The following NSUN5 variants were observed in gnomAD, a reference collection of about 807,000 sequenced individuals.
NSUN5 encodes NOP2/Sun RNA methyltransferase 5.
NSUN5 carries 39 observed loss-of-function variants against 51.1 expected under a neutral mutation model. The observed-to-expected ratio is 0.76, with a 90% CI of 0.59 to 1.00. The LOEUF is 1.00. Among genes scored for constraint, NSUN5 ranks in the 50% least tolerant of loss-of-function variants. The pLI, the probability that NSUN5 is intolerant of heterozygous loss-of-function variation, is 0.00. For missense variants in NSUN5, 526 were observed against 614.0 expected (o/e 0.86, Z 1.51); for synonymous variants, 266 against 271.5 (o/e 0.98, Z 0.20).
chr7:73,306,505 A>C (rs1804046465), intron 4 of NSUN5, among the ~76,000 whole-genome samples: 1 of 151,736 alleles, frequency 6.6e-6, no homozygotes, highest in Admixed American at 6.6e-5. Context: ...CTGGAAGCAG[A>C]GAAACCAGTC....
Position 73,304,253 on chromosome 7 carries a change from A to T in NSUN5, c.911T>A (p.Leu304Gln). The change falls in exon 7 of 10, where the codon CTG (leucine) becomes CAG (glutamine). Residue 304 changes from leucine (L) to glutamine (Q), a missense_variant. By Grantham distance (113) the Leu-to-Gln change is moderately radical (BLOSUM62 -2). Coordinates refer to ENST00000438747, the MANE Select transcript of NSUN5 (RefSeq NM_148956.4). ...PRYHEVHYIL[L>Q]DPSCSGSGMP... ...ACCCGAGCCACTGCAGGAAGGATCC[A>T]GCAGGATGTAGTGGACCTCATGGTA... The T allele has an allele frequency of 6.2e-7, 1 of 1,613,354 alleles. No homozygotes were observed. The highest frequency in any genetic ancestry group is 8.5e-7 in the Non-Finnish European group (1 of 1,179,642).
At chr7:73,307,536 G>A in intron 3 of NSUN5, 34 bp from the exon 4 acceptor site, 2 of 1,613,610 alleles carry the variant, frequency 1.2e-6, no homozygotes, top group Non-Finnish European at 8.5e-7. Context: ...GAGTAGGCAG[G>A]AGCAAAGTTC....
rs1554541952 is a variant in NSUN5, at chr7:73,307,414, G to C, written c.480C>G (p.Ser160=). ...CTCACCTGGAAGCCCGACCCTGATAGGAGAAACCTTGTCTCTTGAAATAAT... is the reference window on the plus strand; with the variant it reads ...CTCACCTGGAAGCCCGACCCTGATACGAGAAACCTTGTCTCTTGAAATAAT... ...VVDYFKRQGF[S]YQGRASSLDD... The change falls in exon 4 of 10, where the codon TCC becomes TCG. Residue 160 remains serine (S), a synonymous_variant. Transcript: ENST00000438747. The C allele has an allele frequency of 3.1e-6, 5 of 1,614,034 alleles. No homozygotes were observed. In the South Asian group the frequency reaches 4.4e-5, roughly 14 times the overall value.
chr7:73,303,611 G>A lies in NSUN5; in HGVS notation c.1275C>T (p.Val425=), dbSNP rs782690161. ...CCCCACTCACTCACCTTGGCACCTC[G>A]ACCCGTTCAATTACAGCAACGAAGA... ...SGFFVAVIER[V]EVPSSASQAK... Residue 425 remains valine (V), a synonymous_variant, in exon 9 of 10, where the codon GTC becomes GTT. Coordinates refer to ENST00000438747, the MANE Select transcript of NSUN5 (RefSeq NM_148956.4). The A allele has an allele frequency of 6.2e-6, 10 of 1,614,020 alleles. No individual in the cohort carries two copies. The highest frequency in any genetic ancestry group is 5.3e-5 in the African/African-American group (4 of 74,914).
rs1382222967 is a variant in NSUN5, at chr7:73,304,310, T to A, written c.854A>T (p.Asp285Val). ...ATCCGAGGGGGAGACCGCCAGGAAGTCCTCCTCAGCCAGTTCACAGCAAGA... is the reference window on the plus strand; with the variant it reads ...ATCCGAGGGGGAGACCGCCAGGAAGACCTCCTCAGCCAGTTCACAGCAAGA... ...GVSCCELAEE[D>V]FLAVSPSDPR... Residue 285 changes from aspartate (D) to valine (V), a missense_variant, in exon 7 of 10, where the codon GAC becomes GTC. By Grantham distance (152) the Asp-to-Val change is radical. Coordinates refer to ENST00000438747, the MANE Select transcript of NSUN5 (RefSeq NM_148956.4). 6.2e-7 allele frequency: 1 copy of A among 1,613,892 alleles called. No individual in the cohort carries two copies. Among genetic ancestry groups the A allele is most frequent in the Non-Finnish European group, 8.5e-7 (1 of 1,180,012 alleles).
In NSUN5 at chr7:73,303,472, C is replaced by T. The variant is rs782018946; in HGVS notation, c.1344G>A (p.Lys448=). Residue 448 remains lysine (K), a synonymous_variant, in exon 10 of 10, where the codon AAG becomes AAA. Coordinates refer to ENST00000438747, the MANE Select transcript of NSUN5 (RefSeq NM_148956.4). The part of the protein sequence containing the change: ...APERTPSPAP[K]RKKRQQRAAA... ...CGGCTCTTTGCTGTCTCTTCTTTCT[C>T]TTTGGGGCTGGGCTGGGTGTGCGTT... 2.5e-5 allele frequency: 41 copies of T among 1,614,072 alleles called. No individual in the cohort carries two copies. Among genetic ancestry groups the T allele is most frequent in the Non-Finnish European group, 3.3e-5 (39 of 1,180,050 alleles).
At position 73,308,076 on chromosome 7, in the gene NSUN5, C is replaced by A. The variant is rs1313899244; in HGVS notation, c.217-319G>T. ...TAGAATGGGGTCTAGCTCTGTCGCC[C>A]AGGCTGAAGTGCAGTGGCCAGATCA... On this transcript the variant is annotated intron_variant, in intron 2 of 9. Coordinates refer to ENST00000438747, the MANE Select transcript of NSUN5 (RefSeq NM_148956.4). 17 of 452,430 alleles carry A rather than the reference C, an allele frequency of 3.8e-5. 1 individual carries two copies. Among genetic ancestry groups the A allele is most frequent in the African/African-American group, 1.8e-4 (9 of 50,678 alleles). The allele number at this position is 452,430 out of a possible 1,614,324, so 28.0% of individuals were successfully genotyped here.
At chr7:73,305,645 G>A (rs1320108270) in intron 4 of NSUN5, among the ~76,000 whole-genome samples, 2 of 151,932 alleles carry the variant, frequency 1.3e-5, no homozygotes, top group African/African-American at 4.8e-5. Context: ...GGAGGTGAGA[G>A]CTGAGCTCAT....
chr7:73,305,487 C>T (rs1372332684), intron 4 of NSUN5, among the ~76,000 whole-genome samples: 4 of 131,324 alleles, frequency 3.0e-5, no homozygotes, highest in African/African-American at 2.9e-5. Flanking sequence ...TTTTTTGAGA[C>T]GGAGTCTCGC....
In NSUN5 at chr7:73,307,707, GC is replaced by G. The variant is rs1554542119; in HGVS notation, c.266del (p.Gly89AlafsTer27). 6.3e-7 allele frequency: 1 copy of G among 1,598,832 alleles called. No homozygotes were observed. The highest frequency in any genetic ancestry group is 1.3e-5 in the African/African-American group (1 of 74,314). ...GCCGGCCCAACAGAGCCTTCCATCG[GC>G]CCCCACCCCCTCGAAAGCCCTTTCC... is the stretch of plus-strand genomic sequence containing the variant. ...LLGKGFRGGG[G>X]RWKALLGRHQ... On this transcript the variant is annotated frameshift_variant, in exon 3 of 10. Coordinates refer to ENST00000438747, the MANE Select transcript of NSUN5 (RefSeq NM_148956.4). LOFTEE classifies it high-confidence loss of function.
chr7:73,304,004 C>T lies in NSUN5; in HGVS notation c.967G>A (p.Ala323Thr), dbSNP rs1554541358. ...AGACGCACCGGGCTAGGTGTGCCTG[C>T]CCCGGGCTCCTCCAGCTGTCTGCTC... ...MPSRQLEEPGAGTPSPVRLHA... is the reference protein window; with the variant it reads ...MPSRQLEEPGTGTPSPVRLHA... The change falls in exon 8 of 10, where the codon GCA (alanine) becomes ACA (threonine). Residue 323 changes from alanine to threonine, a missense_variant. Physicochemically the swap from Ala to Thr is moderately conservative, Grantham distance 58. Transcript: ENST00000438747. 3 of 1,614,098 alleles carry T rather than the reference C, an allele frequency of 1.9e-6. No homozygotes were observed. Among genetic ancestry groups the T allele is most frequent in the Non-Finnish European group, 2.5e-6 (3 of 1,180,008 alleles).
In NSUN5 at chr7:73,304,348, G is replaced by C; in HGVS notation, c.816C>G (p.Ala272=). ...KRLASMATLL[A]RAGVSCCELA... ...GTTCACAGCAAGAGACGCCAGCCCGGGCCAGCAGCGTGGCCATGGATGCCA... is the reference window on the plus strand; with the variant it reads ...GTTCACAGCAAGAGACGCCAGCCCGCGCCAGCAGCGTGGCCATGGATGCCA... Residue 272 remains alanine, a synonymous_variant, in exon 7 of 10, where the codon GCC becomes GCG. Coordinates refer to ENST00000438747, the MANE Select transcript of NSUN5 (RefSeq NM_148956.4). 1 of 1,614,064 alleles carries C rather than the reference G, an allele frequency of 6.2e-7. No individual in the cohort carries two copies. Among genetic ancestry groups the C allele is most frequent in the Non-Finnish European group, 8.5e-7 (1 of 1,179,982 alleles).
At position 73,304,560 on chromosome 7, in the gene NSUN5, T is replaced by C. The variant is rs1171679102; in HGVS notation, c.756-152A>G. 15 of 874,408 alleles carry C rather than the reference T, an allele frequency of 1.7e-5. No homozygotes were observed. In the African/African-American group the frequency reaches 2.4e-4, roughly 14 times the overall value. The allele number at this position is 874,408 out of a possible 1,614,324, so 54.2% of individuals were successfully genotyped here. A position where few individuals can be genotyped will look rare whatever the true frequency, so the allele number is the denominator to read the frequency against. ...TCAGAGGTAACTGGCCTGGGGTCTC[T>C]GCCCCAAGGGCTAAGGGATCCACAT... On this transcript the variant is annotated intron_variant, in intron 6 of 9. Transcript: ENST00000438747.
In NSUN5 at chr7:73,303,809, T is replaced by C; in HGVS notation, c.1145+17A>G. ...CCCCGTCCCCCACTCCCCACGACCC[T>C]GGCGCCCGCCCTGTACCTGAAGGCG... On this transcript the variant is annotated intron_variant, in intron 8 of 9. Transcript: ENST00000438747. 1 of 1,613,710 alleles carries C rather than the reference T, an allele frequency of 6.2e-7. No homozygotes were observed. The highest frequency in any genetic ancestry group is 8.5e-7 in the Non-Finnish European group (1 of 1,179,806).
rs148120256 is a variant in NSUN5, at chr7:73,303,862, A to G, written c.1109T>C (p.Val370Ala). 5 of 1,613,640 alleles carry G rather than the reference A, an allele frequency of 3.1e-6. No homozygotes were observed. The African/African-American group carries it at 6.7e-5, about 22-fold the overall frequency. ...CGGGTTCTGCTGCAGCGCATCTCGC[A>G]CCACGTCTTCATTCTCCTCCTGGCA... The part of the protein sequence containing the change: ...SLCQEENEDV[V>A]RDALQQNPGA... The change falls in exon 8 of 10, where the codon GTG becomes GCG. Residue 370 changes from valine to alanine, a missense_variant. By Grantham distance (64) the Val-to-Ala change is moderately conservative (BLOSUM62 0). Transcript: ENST00000438747.
Position 73,308,724 on chromosome 7 carries a change from C to T in NSUN5, c.67G>A (p.Gly23Arg), listed in dbSNP as rs782093243. ...TGGAAGTTGCTGGAGTACACCAACCCCTTGATAGAGCCCTGGCGGCTCTCC... is the reference window on the plus strand; with the variant it reads ...TGGAAGTTGCTGGAGTACACCAACCTCTTGATAGAGCCCTGGCGGCTCTCC... Reference protein sequence around the residue: ...GVESRQGSIKGLVYSSNFQNV... With the variant: ...GVESRQGSIKRLVYSSNFQNV... Residue 23 changes from glycine (G) to arginine (R), a missense_variant, in exon 1 of 10, where the codon GGG becomes AGG. Physicochemically the swap from Gly to Arg is moderately radical, Grantham distance 125. Coordinates refer to ENST00000438747, the MANE Select transcript of NSUN5 (RefSeq NM_148956.4). 3.1e-6 allele frequency: 5 copies of T among 1,612,236 alleles called. No individual in the cohort carries two copies. The highest frequency in any genetic ancestry group is 2.7e-5 in the African/African-American group (2 of 74,862).
At position 73,303,326 on chromosome 7, in the gene NSUN5, C is replaced by G. The variant is rs1803875624; in HGVS notation, c.*89G>C. ...ACCCAATAACCTTTCAAAACCCAAA[C>G]TGCTTCCTGCGGTGAGGGCCCAGGG... On this transcript the variant is annotated 3_prime_UTR_variant, in exon 10 of 10. Coordinates refer to ENST00000438747, the MANE Select transcript of NSUN5 (RefSeq NM_148956.4). 3.1e-6 allele frequency: 5 copies of G among 1,614,012 alleles called. No homozygotes were observed. The highest frequency in any genetic ancestry group is 4.2e-6 in the Non-Finnish European group (5 of 1,179,868).
chr7:73,307,554 C>T, intron 3 of NSUN5, 29 bp downstream of exon 3: 3 of 792,630 alleles, frequency 3.8e-6, no homozygotes, highest in South Asian at 1.3e-5. Flanking sequence ...TTCCCCGCCT[C>T]CCCCACCCCC....
chr7:73,304,206 G>C (rs372355332), intron 7 of NSUN5, 24 bp downstream of exon 7: 1 of 1,588,106 alleles, frequency 6.3e-7, no homozygotes, highest in Admixed American at 1.8e-5. Context: ...CGAGTCCCTC[G>C]GCCACGCTTT....
Sources: gnomAD v4.1 joint callset for allele counts (sites outside exome capture counted in the v4.1 genomes callset) on GRCh38, gnomAD v4.1.1 for gene constraint, MANE v1.5 for transcripts, NCBI Gene and HGNC (gene_info 2026-07-23, HGNC 2026-07-21) for gene names.